DEPDC4: variants seen among roughly 807,000 people sequenced by gnomAD.
The protein encoded by DEPDC4 is DEP domain-containing protein 4.
In DEPDC4, 52 loss-of-function variants were observed where a neutral mutation model predicts 52.0. That is an observed-to-expected ratio of 1.00 (90% confidence interval 0.80 to 1.26). The LOEUF is 1.26. Among genes scored for constraint, DEPDC4 ranks in the 50% most tolerant of loss-of-function variants. DEPDC4 has a pLI of 0.00. For missense variants in DEPDC4, 530 were observed against 546.9 expected, an observed-to-expected ratio of 0.97 and a Z score of 0.31; for synonymous variants, 201 against 196.8, an observed-to-expected ratio of 1.02 and a Z score of -0.18.
At chr12:100,252,941 C>T (rs1479875598) in intron 5 of DEPDC4, among the ~76,000 whole-genome samples, 1 of 152,180 alleles carries the variant, frequency 6.6e-6, no homozygotes, top group Non-Finnish European at 1.5e-5. Context: ...TATTTTGAGA[C>T]AGTCTCACTC....
At chr12:100,269,252 G>C (rs1199520958), upstream of DEPDC4, among the ~76,000 whole-genome samples, 2 of 151,908 alleles carry the variant, frequency 1.3e-5, no homozygotes, top group Non-Finnish European at 2.9e-5. Flanking sequence ...TAGTCACCCT[G>C]TCTTTTCTGT....
At chr12:100,272,904 C>T in the DEPDC4 span, among the ~76,000 whole-genome samples, 12 of 152,126 alleles carry the variant, frequency 7.9e-5, no homozygotes, top group African/African-American at 2.9e-4. Flanking sequence ...AAATAAATAT[C>T]TGTATAACTA....
chr12:100,280,034 C>T, the DEPDC4 span, among the ~76,000 whole-genome samples: 1 of 152,196 alleles, frequency 6.6e-6, no homozygotes, highest in South Asian at 2.1e-4. Context: ...TGGAATTCTG[C>T]TCTATGCTCT....
the DEPDC4 span, among the ~76,000 whole-genome samples, chr12:100,280,225 GTTAT>G: frequency 6.6e-6 from 1 of 152,140 alleles, no homozygotes; most frequent in East Asian, 1.9e-4. Flanking sequence ...ATGGGCAGAA[GTTAT>G]TTATTCATTT....
chr12:100,281,013 A>G, the DEPDC4 span, among the ~76,000 whole-genome samples: 4 of 126,448 alleles, frequency 3.2e-5, no homozygotes, highest in African/African-American at 1.3e-4. Flanking sequence ...TCCCTTTACC[A>G]TCAGTGTTTT....
At chr12:100,237,252 G>C (rs144206011), downstream of DEPDC4, among the ~76,000 whole-genome samples, 1 of 150,566 alleles carries the variant, frequency 6.6e-6, no homozygotes, top group Non-Finnish European at 1.5e-5. Flanking sequence ...TTGCCAGCCA[G>C]GCTGGAGTGC....
chr12:100,279,040 A>G, the DEPDC4 span, among the ~76,000 whole-genome samples: 3 of 152,214 alleles, frequency 2.0e-5, no homozygotes, highest in Admixed American at 6.5e-5. Flanking sequence ...ATATCTATGT[A>G]TGGGTTTCTT....
At chr12:100,238,181 C>CA, downstream of DEPDC4, 1 of 296,218 alleles carries the variant, frequency 3.4e-6, no homozygotes, top group Non-Finnish European at 4.8e-6. Flanking sequence ...AATTGGGTTG[C>CA]TTTTTTTTTT....
In DEPDC4 at chr12:100,241,796, C is replaced by T. The variant is rs1163710457; in HGVS notation, c.*96G>A. 6.9e-5 allele frequency: 87 copies of T among 1,255,986 alleles called. No individual in the cohort carries two copies. In the East Asian group the frequency reaches 4.4e-3, roughly 63 times the overall value. The allele number at this position is 1,255,986 out of a possible 1,614,324, so 77.8% of individuals were successfully genotyped here. ...GGTGTAGATACTGAATTGTCCTTCC[C>T]TTCTGCTTTTCAAACTCCTTGTATG... On this transcript the variant is annotated 3_prime_UTR_variant, in exon 10 of 10. Transcript: ENST00000550587.
At chr12:100,269,909 A>C (rs567981366), upstream of DEPDC4, among the ~76,000 whole-genome samples, 52 of 152,200 alleles carry the variant, frequency 3.4e-4, no homozygotes, top group Non-Finnish European at 6.6e-4. Flanking sequence ...GATGTTCACC[A>C]GAATTTGAAA....
intron 1 of DEPDC4, among the ~76,000 whole-genome samples, chr12:100,264,150 A>G (rs1461474752): frequency 6.6e-6 from 1 of 152,186 alleles, no homozygotes; most frequent in Admixed American, 6.5e-5. Flanking sequence ...ATATACCCTT[A>G]TTACATGGTT....
In DEPDC4 at chr12:100,263,793, T is replaced by C. The variant is rs768046292; in HGVS notation, c.258A>G (p.Thr86=). The stretch of plus-strand genomic sequence containing the variant: ...CAGAACCAGTGAAACAGTCTTTGTA[T>C]GTCTGTAAATGATGCCTCCTTCTTT... ...EIKRRRHHLQ[T]YKDCFTGSDA... is the part of the protein sequence containing the mutation. The change falls in exon 2 of 10, where the codon ACA becomes ACG. Residue 86 remains threonine, a synonymous_variant. Coordinates refer to ENST00000550587, the MANE Select transcript of DEPDC4 (RefSeq NM_001364818.2). 6 of 1,614,188 alleles carry C rather than the reference T, an allele frequency of 3.7e-6. No individual in the cohort carries two copies. Among genetic ancestry groups the C allele is most frequent in the East Asian group, 2.2e-5 (1 of 44,864 alleles).
chr12:100,233,933 C>G (rs1165189910), intron 9 of DEPDC4, among the ~76,000 whole-genome samples: 1 of 151,644 alleles, frequency 6.6e-6, no homozygotes, highest in African/African-American at 2.4e-5. Context: ...GGCTACATGG[C>G]GAAACCCTGT....
rs1555309804 is a variant in DEPDC4, at chr12:100,240,889, C to A, written c.*1003G>T. 1.3e-5 allele frequency among the ~76,000 whole-genome samples: 2 copies of A among 152,068 alleles called. No homozygotes were observed. Among genetic ancestry groups the A allele is most frequent in the Non-Finnish European group, 2.9e-5 (2 of 68,026 alleles). On this transcript the variant is annotated 3_prime_UTR_variant, in exon 10 of 10. Transcript: ENST00000550587. ...CCAACATGGCGAAACACTGTCTCTA[C>A]TAAAACTACAAAAATTAGCCGGGCA...
At chr12:100,268,340 A>G (rs1454197541), upstream of DEPDC4, among the ~76,000 whole-genome samples, 1 of 152,108 alleles carries the variant, frequency 6.6e-6, no homozygotes, top group Non-Finnish European at 1.5e-5. Context: ...AAACCCCATT[A>G]TGTTCTGGTG....
intron 3 of DEPDC4, among the ~76,000 whole-genome samples, chr12:100,256,658 T>TC (rs1413915351): frequency 1.0e-4 from 15 of 150,284 alleles, no homozygotes; most frequent in South Asian, 2.1e-4. Context: ...TTTTTTTTTT[T>TC]TGAGATGGAG....
chr12:100,276,634 T>G, the DEPDC4 span, among the ~76,000 whole-genome samples: 112 of 152,328 alleles, frequency 7.4e-4, no homozygotes, highest in African/African-American at 2.7e-3. Context: ...CATTGCACCT[T>G]GCTAAAATTT....
At chr12:100,232,687 C>T (rs1000895855) in intron 9 of DEPDC4, among the ~76,000 whole-genome samples, 4 of 152,040 alleles carry the variant, frequency 2.6e-5, no homozygotes, top group African/African-American at 9.7e-5. Flanking sequence ...AGTTTGAGAC[C>T]AGCCTGACCA....
chr12:100,256,127 T>C lies in DEPDC4; in HGVS notation c.800A>G (p.Gln267Arg). ...AACAAGATCTTCCTCTTTGTTTAGT[T>C]GAAGATTTTGTGTTTTAACTGGAGG... ...LEPPVKTQNLQLNKEEDLVIT... is the reference protein window; with the variant it reads ...LEPPVKTQNLRLNKEEDLVIT... Residue 267 changes from glutamine (Q) to arginine (R), a missense_variant, in exon 4 of 10, where the codon CAA becomes CGA. By Grantham distance (43) the Gln-to-Arg change is conservative (BLOSUM62 1). Coordinates refer to ENST00000550587, the MANE Select transcript of DEPDC4 (RefSeq NM_001364818.2). 6.2e-7 allele frequency: 1 copy of C among 1,613,132 alleles called. No homozygotes were observed. The highest frequency in any genetic ancestry group is 2.2e-5 in the East Asian group (1 of 44,730).
Sources: allele counts gnomAD v4.1 joint callset (sites outside exome capture counted in the v4.1 genomes callset), GRCh38; gene constraint gnomAD v4.1.1; transcripts MANE v1.5; gene names NCBI Gene and HGNC (gene_info 2026-07-23, HGNC 2026-07-21).